MOK: variants seen among roughly 807,000 people sequenced by gnomAD.
MOK encodes MOK protein kinase, also known as MAPK/MAK/MRK overlapping kinase.
In MOK, 59 loss-of-function variants were observed where a neutral mutation model predicts 54.2. That is an observed-to-expected ratio of 1.09 (90% CI 0.88 to 1.35). MOK has a LOEUF of 1.35. Among genes scored for constraint, MOK ranks in the 40% most tolerant of loss-of-function variants. The pLI is 0.00. For synonymous variants in MOK, 210 were observed against 202.7 expected, an observed-to-expected ratio of 1.04 and a Z score of -0.31; for missense variants, 517 against 526.2, an observed-to-expected ratio of 0.98 and a Z score of 0.17.
At chr14:102,252,818 G>T (rs1214722240) in intron 4 of MOK, among the ~76,000 whole-genome samples, 1 of 152,168 alleles carries the variant, frequency 6.6e-6, no homozygotes, top group East Asian at 1.9e-4. Context: ...ATGTATCCCA[G>T]CCAACCCTTA....
intron 7 of MOK, among the ~76,000 whole-genome samples, chr14:102,248,472 A>T (rs1597353660): frequency 6.6e-6 from 1 of 152,124 alleles, no homozygotes; most frequent in Middle Eastern, 3.4e-3. Context: ...TATGTGGCAA[A>T]ATTAACCAGC....
At chr14:102,250,785 C>T (rs755489146) in intron 7 of MOK, 27 bp downstream of exon 7, 64 of 1,604,026 alleles carry the variant, frequency 4.0e-5, no homozygotes, top group Non-Finnish European at 5.5e-5. Flanking sequence ...GCCGCAGGAA[C>T]CAGGCAGGAG....
At chr14:102,220,453 G>A (rs1249364097), downstream of MOK, among the ~76,000 whole-genome samples, 2 of 152,222 alleles carry the variant, frequency 1.3e-5, no homozygotes, top group East Asian at 1.9e-4. This position sits in a 1 kb window ranked among gnomAD's most constrained non-coding sequence, Gnocchi z 4.2. Flanking sequence ...GCCAGGTGCG[G>A]TGGCTCACGC....
downstream of MOK, among the ~76,000 whole-genome samples, chr14:102,227,069 A>G (rs1176637390): frequency 6.6e-6 from 1 of 151,970 alleles, no homozygotes; most frequent in Non-Finnish European, 1.5e-5. Context: ...CACCACGAGG[A>G]GTGTGACAGT....
chr14:102,233,632 C>A, intron 8 of MOK, 56 bp downstream of exon 8: 9 of 1,491,266 alleles, frequency 6.0e-6, no homozygotes, highest in Non-Finnish European at 8.4e-6. Context: ...GCTTGCCCTG[C>A]TGCAGGTCCT....
At chr14:102,287,981 C>A (rs1241053713) in intron 1 of MOK, among the ~76,000 whole-genome samples, 7 of 151,418 alleles carry the variant, frequency 4.6e-5, no homozygotes, top group Non-Finnish European at 8.8e-5. Context: ...ATTACAGGCG[C>A]CCGCCACCGC....
At chr14:102,237,287 A>G (rs1597289943) in intron 7 of MOK, among the ~76,000 whole-genome samples, 1 of 152,294 alleles carries the variant, frequency 6.6e-6, no homozygotes, top group East Asian at 1.9e-4. Context: ...AAACTCACAC[A>G]GTTACTCTCT....
intron 3 of MOK, among the ~76,000 whole-genome samples, chr14:102,265,461 A>G (rs951416064): frequency 5.3e-5 from 8 of 152,240 alleles, no homozygotes; most frequent in Non-Finnish European, 7.4e-5. Context: ...GTGAAACCCC[A>G]TCTCTACTAA....
intron 2 of MOK, among the ~76,000 whole-genome samples, chr14:102,277,138 C>T (rs564413723): frequency 8.6e-5 from 13 of 151,572 alleles, no homozygotes; most frequent in South Asian, 4.2e-4. Flanking sequence ...GCAATCCTCA[C>T]GCCTCAGCCT....
At chr14:102,223,145 A>C (rs1287802616), downstream of MOK, 3 of 305,004 alleles carry the variant, frequency 9.8e-6, no homozygotes, top group Non-Finnish European at 1.8e-5. Context: ...TTACTCTAAA[A>C]TTCAATGTAA....
chr14:102,290,145 A>AAC lies in MOK; in HGVS notation c.8-6554_8-6553insGT, dbSNP rs200743987. 4.7e-3 allele frequency among the ~76,000 whole-genome samples: 686 copies of AAC among 146,902 alleles called. 6 individuals carry two copies. Among genetic ancestry groups the AAC allele is most frequent in the African/African-American group, 0.017 (637 of 37,394 alleles). On this transcript the variant is annotated intron_variant, in intron 1 of 11. Coordinates refer to ENST00000361847, the MANE Select transcript of MOK (RefSeq NM_014226.3). ...AGATAAAATGCATTACACTTAGAGA[A>AAC]AAAAAAAAAAAAGACTAGGTATGGT...
downstream of MOK, chr14:102,222,741 A>T (rs1339933717): frequency 7.0e-6 from 10 of 1,431,764 alleles, no homozygotes; most frequent in Admixed American, 1.2e-4. This position sits in a 1 kb window ranked among gnomAD's most constrained non-coding sequence, Gnocchi z 4.4. Context: ...ACCAGTTTTG[A>T]CCACGTGGAG....
At position 102,232,821 on chromosome 14, in the gene MOK, T is replaced by C. The variant is rs542601636; in HGVS notation, c.693-113A>G. ...TGGGGAATGGTTTATGACTGCAGAG[T>C]CTACACCTGTCCCAGCCCACAGAAC... On this transcript the variant is annotated intron_variant, in intron 8 of 11. Coordinates refer to ENST00000361847, the MANE Select transcript of MOK (RefSeq NM_014226.3). This position sits in a 1 kb window ranked among gnomAD's most constrained non-coding sequence, Gnocchi z 5.1. The C allele has an allele frequency of 1.7e-4, 154 of 885,802 alleles. No homozygotes were observed. The African/African-American group carries it at 2.4e-3, about 14-fold the overall frequency. 54.9% of individuals were successfully genotyped at this position (885,802 alleles called of 1,614,324 possible).
In MOK at chr14:102,258,805, C is replaced by T. The variant is rs192857332; in HGVS notation, c.283+4741G>A. Among the ~76,000 whole-genome samples the T allele has an allele frequency of 7.9e-5, 12 of 152,326 alleles. No homozygotes were observed. In the East Asian group the frequency reaches 1.9e-3, roughly 24 times the overall value. On this transcript the variant is annotated intron_variant, in intron 4 of 11. Coordinates refer to ENST00000361847, the MANE Select transcript of MOK (RefSeq NM_014226.3). ...CTTTCAGGCTGGGCGCGGTGGCTCACGCCTATAATCCCAGCACTTTGGGAG... is the reference window on the plus strand; with the variant it reads ...CTTTCAGGCTGGGCGCGGTGGCTCATGCCTATAATCCCAGCACTTTGGGAG...
downstream of MOK, chr14:102,223,050 G>C: frequency 1.5e-6 from 1 of 663,286 alleles, no homozygotes; most frequent in South Asian, 2.0e-5. Flanking sequence ...CCGTGCTCCC[G>C]CTGCTCACCC....
intron 7 of MOK, among the ~76,000 whole-genome samples, chr14:102,241,168 T>C (rs1304276532): frequency 2.0e-5 from 3 of 152,088 alleles, no homozygotes; most frequent in African/African-American, 7.2e-5. Context: ...TCATCCCAAA[T>C]CTTTCTTCTT....
At chr14:102,216,911 C>T in the MOK span, among the ~76,000 whole-genome samples, 706 of 152,196 alleles carry the variant, frequency 4.6e-3, 6 homozygotes, top group African/African-American at 0.016. Flanking sequence ...CCAGCCTGGG[C>T]GACAGAGCGA....
intron 1 of MOK, among the ~76,000 whole-genome samples, chr14:102,302,371 C>A (rs1012226702): frequency 1.3e-5 from 2 of 152,016 alleles, no homozygotes; most frequent in Non-Finnish European, 2.9e-5. Context: ...CTGCACCCGG[C>A]CCACAAATGT....
Position 102,229,172 on chromosome 14 carries a change from G to A in MOK, c.*117C>T, listed in dbSNP as rs1241918556. On this transcript the variant is annotated 3_prime_UTR_variant, in exon 12 of 12. Transcript: ENST00000361847. Reference sequence around the variant, plus strand: ...GGCAGCACCCAGAGCCCCGGCCAGCGCGAAACGGACGCAGGCGCATCCCCA... The same window carrying A: ...GGCAGCACCCAGAGCCCCGGCCAGCACGAAACGGACGCAGGCGCATCCCCA... 4 of 1,136,538 alleles carry A rather than the reference G, an allele frequency of 3.5e-6. No individual in the cohort carries two copies. Among genetic ancestry groups the A allele is most frequent in the Non-Finnish European group, 4.9e-6 (4 of 812,246 alleles). The allele number at this position is 1,136,538 out of a possible 1,614,324, so 70.4% of individuals were successfully genotyped here. A position where few individuals can be genotyped will look rare whatever the true frequency, so the allele number is the denominator to read the frequency against.
Sources: allele counts gnomAD v4.1 joint callset (sites outside exome capture counted in the v4.1 genomes callset), GRCh38; gene constraint gnomAD v4.1.1; non-coding constraint Gnocchi (gnomAD v3.1); transcripts MANE v1.5; gene names NCBI Gene and HGNC (gene_info 2026-07-23, HGNC 2026-07-21).